Variants in TRPM3 observed in about 807,000 individuals in gnomAD.
TRPM3 encodes transient receptor potential cation channel subfamily M member 3, also known as long transient receptor potential channel 3.
In TRPM3, 77 loss-of-function variants were observed where a neutral mutation model predicts 181.2. The observed-to-expected ratio is 0.42, with a 90% CI of 0.35 to 0.51. The LOEUF is 0.51. Among genes scored for constraint, TRPM3 ranks in the 20% least tolerant of loss-of-function variants. TRPM3 has a pLI of 0.01. For synonymous variants in TRPM3, 745 were observed against 796.4 expected (o/e 0.94, Z 1.09); for missense variants, 1,759 against 2,196.7 (o/e 0.80, Z 3.98).
At chr9:70,593,289 A>G (rs1052755348) in intron 21 of TRPM3, among the ~76,000 whole-genome samples, 1 of 152,212 alleles carries the variant, frequency 6.6e-6, no homozygotes, top group African/African-American at 2.4e-5. Flanking sequence ...AAAGTGAGCA[A>G]GCCAGCTGTG....
chr9:71,421,713 A>G lies in TRPM3; in HGVS notation c.183+24940T>C, dbSNP rs533899256. 1.5e-3 allele frequency among the ~76,000 whole-genome samples: 231 copies of G among 152,148 alleles called. 1 individual carries two copies. The highest frequency in any genetic ancestry group is 5.3e-3 in the African/African-American group (222 of 41,550). ...ATACCTAGGCCATAAGGTACAGCCTATTGCTCCTAGGCTACAGACCTGTAC... is the reference window on the plus strand; with the variant it reads ...ATACCTAGGCCATAAGGTACAGCCTGTTGCTCCTAGGCTACAGACCTGTAC... On this transcript the variant is annotated intron_variant, in intron 1 of 24. Transcript: ENST00000357533.
intron 1 of TRPM3, among the ~76,000 whole-genome samples, chr9:70,966,544 T>C (rs1445685656): frequency 2.6e-5 from 4 of 152,140 alleles, no homozygotes; most frequent in Non-Finnish European, 5.9e-5. Context: ...ATATACACCA[T>C]GGAATACTAT....
intron 1 of TRPM3, among the ~76,000 whole-genome samples, chr9:70,938,337 A>C (rs1280325021): frequency 6.6e-6 from 1 of 152,162 alleles, no homozygotes; most frequent in African/African-American, 2.4e-5. Flanking sequence ...ATCACCAATA[A>C]GTCACTGTCA....
chr9:71,305,435 T>TG (rs1299605236), intron 1 of TRPM3, among the ~76,000 whole-genome samples: 1 of 152,106 alleles, frequency 6.6e-6, no homozygotes, highest in African/African-American at 2.4e-5. Context: ...ACCTAATTTG[T>TG]GTCAAGCTTG....
Position 70,818,430 on chromosome 9 carries a change from C to G in TRPM3, c.973+9417G>C, listed in dbSNP as rs189949097. ...CAATGCCCTCGAGTTAGAAGGCTGTCCAGAGACCCGCAGGTAAAGCGCCCA... is the reference window on the plus strand; with the variant it reads ...CAATGCCCTCGAGTTAGAAGGCTGTGCAGAGACCCGCAGGTAAAGCGCCCA... On this transcript the variant is annotated intron_variant, in intron 6 of 25. Transcript: ENST00000677713. Among the ~76,000 whole-genome samples, 20 of 152,288 alleles carry G rather than the reference C, an allele frequency of 1.3e-4. No individual in the cohort carries two copies. In the East Asian group the frequency reaches 3.5e-3, roughly 26 times the overall value.
intron 1 of TRPM3, among the ~76,000 whole-genome samples, chr9:71,094,907 A>T (rs1217027114): frequency 6.6e-6 from 1 of 152,164 alleles, no homozygotes; most frequent in Non-Finnish European, 1.5e-5. Context: ...TATGGGATAC[A>T]GTTAGGGTTT....
intron 1 of TRPM3, among the ~76,000 whole-genome samples, chr9:71,213,823 A>G (rs1269094646): frequency 1.3e-5 from 2 of 152,194 alleles, no homozygotes; most frequent in Admixed American, 6.5e-5. Context: ...TAAATAAATG[A>G]CATCATCCAT....
At chr9:70,797,867 T>C (rs1446334945) in intron 6 of TRPM3, among the ~76,000 whole-genome samples, 1 of 152,160 alleles carries the variant, frequency 6.6e-6, no homozygotes, top group Non-Finnish European at 1.5e-5. Flanking sequence ...GGTGAGCAGG[T>C]GAAGACTCAC....
intron 8 of TRPM3, among the ~76,000 whole-genome samples, chr9:70,743,838 C>T (rs944557111): frequency 2.6e-5 from 4 of 151,978 alleles, no homozygotes; most frequent in African/African-American, 9.7e-5. Context: ...TAAAATAATA[C>T]AATAATATTT....
intron 1 of TRPM3, among the ~76,000 whole-genome samples, chr9:70,925,924 GA>G (rs201730929): frequency 0.047 from 7,029 of 151,000 alleles, 236 homozygotes; most frequent in Middle Eastern, 0.078. Flanking sequence ...CATCAGTCCA[GA>G]TGAGGACTGA....
In TRPM3 at chr9:70,627,690, AG is replaced by A. The variant is rs555047710; in HGVS notation, c.1633-2174del. Among the ~76,000 whole-genome samples, 15 of 152,290 alleles carry A rather than the reference AG, an allele frequency of 9.8e-5. No individual in the cohort carries two copies. The East Asian group carries it at 2.9e-3, about 29-fold the overall frequency. ...TAGGCTTGGGCATCTAACTGGAGCCAGCCAGGCAAAATGGGGCTGTGTGAAG... is the reference window on the plus strand; with the variant it reads ...TAGGCTTGGGCATCTAACTGGAGCCACCAGGCAAAATGGGGCTGTGTGAAG... On this transcript the variant is annotated intron_variant, in intron 12 of 25. Transcript: ENST00000677713.
intron 22 of TRPM3, among the ~76,000 whole-genome samples, chr9:70,573,946 A>G (rs1238669861): frequency 6.6e-6 from 1 of 151,366 alleles, no homozygotes. Context: ...TGATGCAGAA[A>G]TGTAGCTTAA....
intron 1 of TRPM3, among the ~76,000 whole-genome samples, chr9:71,043,601 T>A (rs1370297901): frequency 6.6e-6 from 1 of 152,200 alleles, no homozygotes; most frequent in African/African-American, 2.4e-5. Flanking sequence ...TATTCCTATA[T>A]CCTCCCACAT....
chr9:71,297,094 C>T (rs759734100), intron 1 of TRPM3, among the ~76,000 whole-genome samples: 1 of 148,894 alleles, frequency 6.7e-6, no homozygotes, highest in South Asian at 2.1e-4. Flanking sequence ...TGGGTTCAAG[C>T]AATTCTCCTG....
In TRPM3 at chr9:71,148,558, G is replaced by A. The variant is rs936612221; in HGVS notation, c.184-284047C>T. On this transcript the variant is annotated intron_variant, in intron 1 of 24. Coordinates refer to the TRPM3 transcript ENST00000357533. Reference sequence around the variant, plus strand: ...TTCTTTGGAGCAGAATATACAGCCAGTGCATGAAAGACTGACACCTGGAAA... The same window carrying A: ...TTCTTTGGAGCAGAATATACAGCCAATGCATGAAAGACTGACACCTGGAAA... 3.3e-5 allele frequency among the ~76,000 whole-genome samples: 5 copies of A among 152,112 alleles called. No individual in the cohort carries two copies. The East Asian group carries it at 7.7e-4, about 23-fold the overall frequency.
At chr9:70,696,031 T>C (rs559368039) in intron 8 of TRPM3, among the ~76,000 whole-genome samples, 43 of 152,248 alleles carry the variant, frequency 2.8e-4, no homozygotes, top group African/African-American at 9.6e-4. Flanking sequence ...TACAAGCAAA[T>C]TGACTCCAGA....
intron 5 of TRPM3, among the ~76,000 whole-genome samples, chr9:70,829,928 A>G (rs1179432237): frequency 6.6e-6 from 1 of 152,220 alleles, no homozygotes; most frequent in East Asian, 1.9e-4. Flanking sequence ...GTTAATAAAT[A>G]TTAATGCTTT....
intron 1 of TRPM3, among the ~76,000 whole-genome samples, chr9:71,062,096 G>T (rs574256536): frequency 3.4e-4 from 51 of 152,062 alleles, no homozygotes; most frequent in Non-Finnish European, 7.1e-4. Context: ...AATATCTTCC[G>T]TGGTCCACAG....
intron 1 of TRPM3, among the ~76,000 whole-genome samples, chr9:71,370,528 T>C (rs1412544895): frequency 6.6e-6 from 1 of 152,192 alleles, no homozygotes; most frequent in Non-Finnish European, 1.5e-5. Flanking sequence ...AAGCCTCATC[T>C]AGAACACGGC....
Sources: allele counts gnomAD v4.1 joint callset (sites outside exome capture counted in the v4.1 genomes callset), GRCh38; gene constraint gnomAD v4.1.1; transcripts MANE v1.5; gene names NCBI Gene and HGNC (gene_info 2026-07-23, HGNC 2026-07-21).